Variants in TTLL5 observed in about 807,000 individuals in gnomAD.
TTLL5 encodes tubulin tyrosine ligase like 5.
TTLL5 carries 132 observed loss-of-function variants against 168.4 expected under a neutral mutation model. That is an observed-to-expected ratio of 0.78 (90% CI 0.68 to 0.91). TTLL5 has a LOEUF of 0.91. TTLL5 is among the 40% of genes least tolerant of loss of function. The pLI is 0.00. For missense variants in TTLL5, 1,545 were observed against 1,581.5 expected, an observed-to-expected ratio of 0.98 and a Z score of 0.39; for synonymous variants, 546 against 558.6, an observed-to-expected ratio of 0.98 and a Z score of 0.32.
intron 27 of TTLL5, among the ~76,000 whole-genome samples, chr14:75,809,301 G>T (rs1056550798): frequency 6.6e-6 from 1 of 152,124 alleles, no homozygotes; most frequent in Non-Finnish European, 1.5e-5. Context: ...AAGTGTTTAG[G>T]TAGCATATAA....
intron 3 of TTLL5, among the ~76,000 whole-genome samples, chr14:75,670,376 T>A (rs961526971): frequency 2.6e-5 from 4 of 152,218 alleles, no homozygotes; most frequent in Non-Finnish European, 5.9e-5. Context: ...TGAATTGTGC[T>A]GCTATGAATG....
intron 6 of TTLL5, among the ~76,000 whole-genome samples, chr14:75,693,177 A>T (rs570653889): frequency 5.9e-5 from 9 of 152,288 alleles, no homozygotes; most frequent in African/African-American, 2.2e-4. Context: ...TTAGATGGAG[A>T]GGAAAGCAGG....
At chr14:75,693,117 T>C (rs1455643841) in intron 6 of TTLL5, among the ~76,000 whole-genome samples, 1 of 152,124 alleles carries the variant, frequency 6.6e-6, no homozygotes, top group East Asian at 1.9e-4. Context: ...GGCATGTGTC[T>C]CCTGAAAGAG....
intron 9 of TTLL5, 32 bp from the exon 10 acceptor site, chr14:75,717,829 T>G: frequency 6.3e-7 from 1 of 1,599,556 alleles, no homozygotes; most frequent in Non-Finnish European, 8.6e-7. Flanking sequence ...GAAACTCTGT[T>G]CCTGGCATTT....
Position 75,902,217 on chromosome 14 carries a change from C to G in TTLL5, c.3816C>G (p.Ser1272Arg), listed in dbSNP as rs767918815. 3.7e-6 allele frequency: 6 copies of G among 1,614,016 alleles called. No individual in the cohort carries two copies. The highest frequency in any genetic ancestry group is 3.3e-4 in the Middle Eastern group (2 of 6,084). Residue 1272 changes from serine (S) to arginine (R), a missense_variant, in exon 31 of 32, where the codon AGC (serine) becomes AGG (arginine). Ser to Arg is a moderately radical substitution (Grantham distance 110, BLOSUM62 -1). Transcript: ENST00000298832. Reference protein sequence around the residue: ...LNPAAFVPITSSTDPAHTKI With the variant: ...LNPAAFVPITRSTDPAHTKI ...CTGCAGCCTTTGTGCCCATCACCAGCTCTACAGGTTAGTGGGCACCAGCTC... is the reference window on the plus strand; with the variant it reads ...CTGCAGCCTTTGTGCCCATCACCAGGTCTACAGGTTAGTGGGCACCAGCTC...
At chr14:75,724,015 TG>T (rs1888020561) in intron 12 of TTLL5, among the ~76,000 whole-genome samples, 1 of 147,822 alleles carries the variant, frequency 6.8e-6, no homozygotes, top group African/African-American at 2.5e-5. Context: ...ATAAGCTAGT[TG>T]TTTTTTTTTT....
In TTLL5 at chr14:75,930,894, G is replaced by A. The variant is rs188499964; in HGVS notation, c.3824-23530G>A. On this transcript the variant is annotated intron_variant, in intron 31 of 31. Transcript: ENST00000298832. Reference sequence around the variant, plus strand: ...TATCATCCATATATTTAGAGTGTTGGTCTTTAACAACACTGAGTTTTTGGG... The same window carrying A: ...TATCATCCATATATTTAGAGTGTTGATCTTTAACAACACTGAGTTTTTGGG... Among the ~76,000 whole-genome samples the A allele has an allele frequency of 3.3e-4, 50 of 152,248 alleles. No homozygotes were observed. The Middle Eastern group carries it at 0.01, about 31-fold the overall frequency.
chr14:75,917,414 G>C (rs893819134), intron 31 of TTLL5, among the ~76,000 whole-genome samples: 1 of 152,190 alleles, frequency 6.6e-6, no homozygotes, highest in Non-Finnish European at 1.5e-5. Flanking sequence ...AACTCGGCCC[G>C]TCAAGGTGAT....
chr14:75,792,994 A>G lies in TTLL5; in HGVS notation c.3065A>G (p.Lys1022Arg), dbSNP rs777832047. Residue 1022 changes from lysine (K) to arginine (R), a missense_variant, in exon 27 of 32, where the codon AAA becomes AGA. Lys to Arg is a conservative substitution (Grantham distance 26). Coordinates refer to ENST00000298832, the MANE Select transcript of TTLL5 (RefSeq NM_015072.5). ...KEGEDASLYS[K>R]RYNQSMVTAE... The stretch of plus-strand genomic sequence containing the variant: ...GGAGAAGATGCTTCTTTATATAGCA[A>G]ACGGTACAACCAAAGTATGGTTACA... The G allele has an allele frequency of 6.2e-7, 1 of 1,613,878 alleles. No individual in the cohort carries two copies. Among genetic ancestry groups the G allele is most frequent in the Non-Finnish European group, 8.5e-7 (1 of 1,179,794 alleles).
Position 75,926,733 on chromosome 14 carries a change from G to A in TTLL5, c.3823+24509G>A, listed in dbSNP as rs577610869. ...GGTGGAAATGTAAAATGGCGCAGCT[G>A]GTTTAGAAAACAGTTTGGCAGTTCC... On this transcript the variant is annotated intron_variant, in intron 31 of 31. Coordinates refer to ENST00000298832, the MANE Select transcript of TTLL5 (RefSeq NM_015072.5). Among the ~76,000 whole-genome samples, 6 of 152,204 alleles carry A rather than the reference G, an allele frequency of 3.9e-5. No homozygotes were observed. In the East Asian group the frequency reaches 1.2e-3, roughly 29 times the overall value.
intron 31 of TTLL5, among the ~76,000 whole-genome samples, chr14:75,928,564 G>A (rs1351824185): frequency 6.6e-6 from 1 of 151,570 alleles, no homozygotes; most frequent in Non-Finnish European, 1.5e-5. Flanking sequence ...TCCCTCCCCT[G>A]AGATTGATGT....
At chr14:75,920,895 T>G (rs2033803756) in intron 31 of TTLL5, among the ~76,000 whole-genome samples, 1 of 152,248 alleles carries the variant, frequency 6.6e-6, no homozygotes, top group South Asian at 2.1e-4. Context: ...TGTTGTTTCT[T>G]GACTTTTTAA....
At chr14:75,918,930 C>T (rs1234813123) in intron 31 of TTLL5, among the ~76,000 whole-genome samples, 1 of 152,074 alleles carries the variant, frequency 6.6e-6, no homozygotes, top group East Asian at 1.9e-4. Context: ...TGGCCAGTCG[C>T]AGTGGCTCAC....
chr14:75,816,974 A>ATTTTTTTTTTTTTTTTT (rs35736530), intron 27 of TTLL5, among the ~76,000 whole-genome samples: 1 of 96,084 alleles, frequency 1.0e-5, no homozygotes. Context: ...TCCCTGTCTT[A>ATTTTTTTTTTTTTTTTT]TTTTTTTTTT....
chr14:75,864,136 AC>A (rs1272189497), intron 29 of TTLL5, among the ~76,000 whole-genome samples: 17 of 151,918 alleles, frequency 1.1e-4, no homozygotes, highest in African/African-American at 3.9e-4. Flanking sequence ...TGTGGTGTTT[AC>A]CCTTTCTGTT....
chr14:75,823,399 G>A (rs1894945777), intron 28 of TTLL5, among the ~76,000 whole-genome samples: 1 of 152,086 alleles, frequency 6.6e-6, no homozygotes, highest in African/African-American at 2.4e-5. Flanking sequence ...GGTTCTTAGT[G>A]CGTTTTTCTT....
At chr14:75,698,552 A>G (rs1886026949) in intron 6 of TTLL5, among the ~76,000 whole-genome samples, 1 of 152,188 alleles carries the variant, frequency 6.6e-6, no homozygotes, top group South Asian at 2.1e-4. Flanking sequence ...ATTCTTTGTG[A>G]CAGTAATAGA....
chr14:75,710,555 G>A (rs1887002769), intron 9 of TTLL5: 1 of 152,192 alleles, frequency 6.6e-6, no homozygotes. Context: ...GAAAGTGTAG[G>A]TGAATATAAA....
chr14:75,942,460 C>G lies in TTLL5; in HGVS notation c.3824-11964C>G, dbSNP rs900839724. Among the ~76,000 whole-genome samples, 9 of 152,130 alleles carry G rather than the reference C, an allele frequency of 5.9e-5. No individual in the cohort carries two copies. In the South Asian group the frequency reaches 1.7e-3, roughly 28 times the overall value. ...CATGTGAAAATTTGTAAGATGCGAT[C>G]TCAGCACTTAAGAGTGTAGCAGTGA... On this transcript the variant is annotated intron_variant, in intron 31 of 31. Transcript: ENST00000298832.
Sources: gnomAD v4.1 joint callset for allele counts (sites outside exome capture counted in the v4.1 genomes callset) on GRCh38, gnomAD v4.1.1 for gene constraint, MANE v1.5 for transcripts, NCBI Gene and HGNC (gene_info 2026-07-23, HGNC 2026-07-21) for gene names.